The following UTP4 variants were observed in gnomAD, a reference collection of about 807,000 sequenced individuals.
UTP4 encodes U3 small nucleolar RNA-associated protein 4 homolog.
A neutral mutation model predicts 82.4 loss-of-function variants in UTP4; 45 were observed. That is an observed-to-expected ratio of 0.55 (90% confidence interval 0.43 to 0.70). The LOEUF is 0.70. Ranked by LOEUF, UTP4 falls within the 30% of genes least tolerant of loss-of-function variation. The pLI, the probability that UTP4 is intolerant of heterozygous loss-of-function variation, is 0.00. For missense variants in UTP4, 819 were observed against 858.3 expected (o/e 0.95, Z 0.57); for synonymous variants, 348 against 300.3 (o/e 1.16, Z -1.64).
Position 69,151,324 on chromosome 16 carries a change from T to C in UTP4, c.1002+420T>C, listed in dbSNP as rs868292134. ...GCTCAGCTTTGTGGTCCTTTTTTTT[T>C]CTTTTTTTTTTTTTTTGAGACTGAG... On this transcript the variant is annotated intron_variant, in intron 8 of 16. Transcript: ENST00000314423. Among the ~76,000 whole-genome samples the C allele has an allele frequency of 4.9e-4, 70 of 143,698 alleles. 2 individuals carry two copies. Among genetic ancestry groups the C allele is most frequent in the Non-Finnish European group, 6.3e-4 (41 of 65,100 alleles). The allele number at this position is 143,698 out of a possible 152,430, so 94.3% of individuals were successfully genotyped here. A position where few individuals can be genotyped will look rare whatever the true frequency, so the allele number is the denominator to read the frequency against.
chr16:69,146,458 A>G (rs553753629), intron 6 of UTP4, among the ~76,000 whole-genome samples: 5 of 152,368 alleles, frequency 3.3e-5, no homozygotes, highest in Admixed American at 1.3e-4. Context: ...CAGCATTATC[A>G]GTATTTCATT....
intron 14 of UTP4, among the ~76,000 whole-genome samples, chr16:69,165,019 C>T (rs542068761): frequency 9.9e-5 from 15 of 152,138 alleles, no homozygotes; most frequent in Middle Eastern, 3.4e-3. Flanking sequence ...CACAGTGAAA[C>T]CCCATCTCTA....
intron 8 of UTP4, among the ~76,000 whole-genome samples, chr16:69,152,048 G>A (rs922840514): frequency 2.7e-5 from 4 of 150,150 alleles, no homozygotes; most frequent in Non-Finnish European, 5.9e-5. Flanking sequence ...CTCTATTGAG[G>A]CATACTTGAT....
At chr16:69,146,618 T>TGG (rs1232021151) in intron 6 of UTP4, among the ~76,000 whole-genome samples, 1 of 152,156 alleles carries the variant, frequency 6.6e-6, no homozygotes, top group African/African-American at 2.4e-5. Flanking sequence ...CCCAGCACTT[T>TGG]GGGAGACCAA....
chr16:69,168,175 G>A (rs547004421), intron 16 of UTP4, among the ~76,000 whole-genome samples: 46 of 151,704 alleles, frequency 3.0e-4, no homozygotes, highest in African/African-American at 1.1e-3. Context: ...AGTGGCTCAC[G>A]CCTGTAATCC....
chr16:69,132,752 G>A, intron 1 of UTP4, 63 bp downstream of exon 1: 1 of 238,132 alleles, frequency 4.2e-6, no homozygotes, highest in Non-Finnish European at 8.5e-6. Flanking sequence ...CAAGGTGGCC[G>A]GCCCAGGGTC....
Position 69,153,012 on chromosome 16 carries a change from C to G in UTP4, c.1003-572C>G, listed in dbSNP as rs151244317. Among the ~76,000 whole-genome samples, 91 of 152,260 alleles carry G rather than the reference C, an allele frequency of 6.0e-4. 1 individual carries two copies. The East Asian group carries it at 0.016, about 27-fold the overall frequency. On this transcript the variant is annotated intron_variant, in intron 8 of 16. Coordinates refer to ENST00000314423, the MANE Select transcript of UTP4 (RefSeq NM_032830.3). The stretch of plus-strand genomic sequence containing the variant: ...TTGGCTTCAGCATAAAGACAGTTTC[C>G]TTAGTGTGTCTTATAGAACCTGTCT...
chr16:69,155,780 C>A, intron 10 of UTP4, 91 bp from the exon 11 acceptor site: 2 of 1,322,734 alleles, frequency 1.5e-6, no homozygotes, highest in Non-Finnish European at 2.2e-6. Flanking sequence ...TGGGTATGTC[C>A]AGAGTGGCAA....
chr16:69,148,812 C>T (rs1383252762), intron 6 of UTP4, among the ~76,000 whole-genome samples: 2 of 151,850 alleles, frequency 1.3e-5, no homozygotes, highest in Non-Finnish European at 2.9e-5. Context: ...CACTATGTTG[C>T]CCAGGTTGGT....
chr16:69,150,552 G>T lies in UTP4; in HGVS notation c.754G>T (p.Val252Leu), dbSNP rs375128162. The T allele has an allele frequency of 1.2e-5, 19 of 1,614,074 alleles. No individual in the cohort carries two copies. Among genetic ancestry groups the T allele is most frequent in the Non-Finnish European group, 1.4e-5 (16 of 1,180,054 alleles). ...IAVADQEDSFVVGTAEGTVFH... is the reference protein window; with the variant it reads ...IAVADQEDSFLVGTAEGTVFH... Reference sequence around the variant, plus strand: ...AATTCCTCAGCAAGAAGACAGTTTCGTGGTGGGCACAGCCGAGGGAACAGT... The same window carrying T: ...AATTCCTCAGCAAGAAGACAGTTTCTTGGTGGGCACAGCCGAGGGAACAGT... Residue 252 changes from valine (V) to leucine (L), a missense_variant, in exon 7 of 17, where the codon GTG becomes TTG. Transcript: ENST00000314423.
At chr16:69,150,766 G>T in intron 7 of UTP4, 47 bp from the exon 8 acceptor site, 1 of 1,613,476 alleles carries the variant, frequency 6.2e-7, no homozygotes, top group Non-Finnish European at 8.5e-7. Context: ...GGCTGTTCTC[G>T]TGAGGATGAC....
intron 2 of UTP4, among the ~76,000 whole-genome samples, chr16:69,133,832 T>C (rs1962727171): frequency 6.6e-6 from 1 of 152,220 alleles, no homozygotes; most frequent in Non-Finnish European, 1.5e-5. Flanking sequence ...CCTAGAAATG[T>C]GACATCTCAC....
chr16:69,136,557 C>T, intron 2 of UTP4, 139 bp from the exon 3 acceptor site: 1 of 825,594 alleles, frequency 1.2e-6, no homozygotes, highest in African/African-American at 1.7e-5. Flanking sequence ...ATGAAAATGT[C>T]ATTAGGCATG....
chr16:69,168,960 T>A lies in UTP4; in HGVS notation c.*23T>A. ...TAAAACAGGGCACTGTCTGTGTCCT[T>A]CCTTGAACTGTCTACCCTGTTGCTT... On this transcript the variant is annotated 3_prime_UTR_variant, in exon 17 of 17. Transcript: ENST00000314423. 1 of 1,358,434 alleles carries A rather than the reference T, an allele frequency of 7.4e-7. No individual in the cohort carries two copies. Among genetic ancestry groups the A allele is most frequent in the Non-Finnish European group, 1.1e-6 (1 of 946,310 alleles). The allele number at this position is 1,358,434 out of a possible 1,614,324, so 84.1% of individuals were successfully genotyped here. A position where few individuals can be genotyped will look rare whatever the true frequency, so the allele number is the denominator to read the frequency against.
chr16:69,165,218 G>C (rs1365276182), intron 14 of UTP4, 123 bp from the exon 15 acceptor site: 1 of 789,494 alleles, frequency 1.3e-6, no homozygotes, highest in Admixed American at 2.5e-5. Context: ...AGTGTTGGGA[G>C]AGCATAGAAT....
intron 8 of UTP4, among the ~76,000 whole-genome samples, chr16:69,152,352 C>T (rs555683206): frequency 6.6e-6 from 1 of 151,960 alleles, no homozygotes; most frequent in Non-Finnish European, 1.5e-5. Context: ...GTGGTGTAAT[C>T]TTGGCTCACT....
Position 69,147,714 on chromosome 16 carries a change from C to T in UTP4, c.739-2823C>T, listed in dbSNP as rs116562286. ...ACAAGAAATGCATTTATGTTTCATA[C>T]GTCCCTGATACACATAGCCTGACGG... On this transcript the variant is annotated intron_variant, in intron 6 of 16. Transcript: ENST00000314423. Among the ~76,000 whole-genome samples the T allele has an allele frequency of 5.4e-4, 82 of 152,004 alleles. 1 individual carries two copies. Among genetic ancestry groups the T allele is most frequent in the Non-Finnish European group, 8.1e-4 (55 of 68,032 alleles).
At chr16:69,162,393 TAGTG>T (rs998013950) in intron 13 of UTP4, among the ~76,000 whole-genome samples, 3 of 151,482 alleles carry the variant, frequency 2.0e-5, no homozygotes, top group Admixed American at 6.6e-5. Flanking sequence ...CCGGCCAACA[TAGTG>T]AGACCCCGTT....
Position 69,164,105 on chromosome 16 carries a change from C to T in UTP4, c.1647+927C>T, listed in dbSNP as rs940184422. On this transcript the variant is annotated intron_variant, in intron 14 of 16. Coordinates refer to ENST00000314423, the MANE Select transcript of UTP4 (RefSeq NM_032830.3). Reference sequence around the variant, plus strand: ...TTCACCATGTTAGCCAGGATGGTCTCGATCTCCTGACCTTGTGATCCGCCC... The same window carrying T: ...TTCACCATGTTAGCCAGGATGGTCTTGATCTCCTGACCTTGTGATCCGCCC... Among the ~76,000 whole-genome samples the T allele has an allele frequency of 4.8e-4, 73 of 151,894 alleles. 1 individual carries two copies. The highest frequency in any genetic ancestry group is 1.6e-3 in the African/African-American group (67 of 41,360).
Sources: gnomAD v4.1 joint callset for allele counts (sites outside exome capture counted in the v4.1 genomes callset) on GRCh38, gnomAD v4.1.1 for gene constraint, MANE v1.5 for transcripts, NCBI Gene and HGNC (gene_info 2026-07-23, HGNC 2026-07-21) for gene names.